The following LRP1B variants were observed in gnomAD, a reference collection of about 807,000 sequenced individuals.
The protein encoded by LRP1B is low-density lipoprotein receptor-related protein 1B.
A neutral mutation model predicts 556.6 loss-of-function variants in LRP1B; 217 were observed. The observed-to-expected ratio is 0.39, with a 90% CI of 0.35 to 0.44. The LOEUF (loss-of-function observed/expected upper bound fraction) is 0.44, where lower values mean the gene tolerates loss of function less well. Among genes scored for constraint, LRP1B ranks in the 20% least tolerant of loss-of-function variants. LRP1B has a pLI of 1.00. For synonymous variants in LRP1B, 2,047 were observed against 1,865.8 expected, an observed-to-expected ratio of 1.10 and a Z score of -2.50; for missense variants, 5,053 against 5,620.8, an observed-to-expected ratio of 0.90 and a Z score of 3.23.
At chr2:140,483,704 G>A (rs2105360042) in intron 59 of LRP1B, among the ~76,000 whole-genome samples, 1 of 139,186 alleles carries the variant, frequency 7.2e-6, no homozygotes, top group Admixed American at 7.8e-5. Flanking sequence ...GCAGTGGCAT[G>A]ATCTCTGCTC....
At chr2:140,594,476 T>C (rs186761357) in intron 43 of LRP1B, among the ~76,000 whole-genome samples, 1 of 152,328 alleles carries the variant, frequency 6.6e-6, no homozygotes, top group East Asian at 1.9e-4. Flanking sequence ...CCTAAAGATA[T>C]TCAAAAGAAG....
intron 2 of LRP1B, 58 bp downstream of exon 2, chr2:141,810,221 T>A (rs1574386251): frequency 6.4e-7 from 1 of 1,563,632 alleles, no homozygotes; most frequent in Non-Finnish European, 8.8e-7. Context: ...TGAAAACAAC[T>A]GACATTTAGT....
At chr2:141,555,634 T>C (rs1685935200) in intron 2 of LRP1B, among the ~76,000 whole-genome samples, 1 of 151,978 alleles carries the variant, frequency 6.6e-6, no homozygotes, top group Non-Finnish European at 1.5e-5. Context: ...CTCGTCATTA[T>C]CTGAATTATT....
intron 2 of LRP1B, among the ~76,000 whole-genome samples, chr2:141,712,559 A>G (rs1692401952): frequency 1.3e-5 from 2 of 152,186 alleles, no homozygotes; most frequent in Admixed American, 6.5e-5. Flanking sequence ...AATGATATCT[A>G]TCTCATTGTG....
At chr2:141,430,243 A>C (rs2104982302) in intron 3 of LRP1B, among the ~76,000 whole-genome samples, 1 of 152,320 alleles carries the variant, frequency 6.6e-6, no homozygotes, top group African/African-American at 2.4e-5. Context: ...AGAGCTTGTT[A>C]AGCAAAGCAT....
intron 2 of LRP1B, among the ~76,000 whole-genome samples, chr2:141,782,264 A>C: frequency 6.6e-6 from 1 of 152,056 alleles, no homozygotes; most frequent in East Asian, 1.9e-4. Flanking sequence ...AAGTGTCTTC[A>C]AATTTTCTAG....
intron 72 of LRP1B, among the ~76,000 whole-genome samples, chr2:140,359,217 G>A (rs890550735): frequency 5.3e-5 from 8 of 151,646 alleles, no homozygotes; most frequent in African/African-American, 1.9e-4. Flanking sequence ...TATCTTAGCT[G>A]ACTTCACTTA....
chr2:140,929,760 A>T (rs1161212279), intron 20 of LRP1B, among the ~76,000 whole-genome samples: 4 of 130,302 alleles, frequency 3.1e-5, no homozygotes, highest in Admixed American at 7.4e-5. Context: ...ATAGACTCAC[A>T]CACACACACA....
chr2:140,798,699 T>C (rs914415590), intron 32 of LRP1B, among the ~76,000 whole-genome samples: 1 of 152,186 alleles, frequency 6.6e-6, no homozygotes, highest in African/African-American at 2.4e-5. Flanking sequence ...GTCAACCTGC[T>C]AGATGACAGT....
At chr2:141,855,001 T>C (rs1305909903) in intron 1 of LRP1B, among the ~76,000 whole-genome samples, 1 of 152,026 alleles carries the variant, frequency 6.6e-6, no homozygotes, top group Non-Finnish European at 1.5e-5. Flanking sequence ...ATATAACAGA[T>C]TAAGGATGGA....
Position 140,585,784 on chromosome 2 carries a change from T to A in LRP1B, c.7194+12847A>T, listed in dbSNP as rs543455894. ...CTGTGATCACATCTACACATTATCA[T>A]TAAAGACAATAAAATTTAGACAACA... On this transcript the variant is annotated intron_variant, in intron 43 of 90. Coordinates refer to ENST00000389484, the MANE Select transcript of LRP1B (RefSeq NM_018557.3). Among the ~76,000 whole-genome samples, 3 of 152,312 alleles carry A rather than the reference T, an allele frequency of 2.0e-5. No homozygotes were observed. The East Asian group carries it at 5.8e-4, about 29-fold the overall frequency.
At chr2:141,351,663 T>A (rs1349152399) in intron 3 of LRP1B, among the ~76,000 whole-genome samples, 2 of 152,014 alleles carry the variant, frequency 1.3e-5, no homozygotes, top group East Asian at 3.9e-4. Flanking sequence ...AGACCCCTTT[T>A]TAGCATGGAG....
chr2:140,374,296 G>A (rs952421554), intron 68 of LRP1B, among the ~76,000 whole-genome samples: 4 of 152,116 alleles, frequency 2.6e-5, no homozygotes, highest in African/African-American at 7.2e-5. Context: ...TCCACAAAAA[G>A]TGTAACAATC....
rs2105397300 is a variant in LRP1B, at chr2:141,285,551, G to A, written c.344-30910C>T. Among the ~76,000 whole-genome samples, 2 of 145,822 alleles carry A rather than the reference G, an allele frequency of 1.4e-5. 1 individual carries two copies. Among genetic ancestry groups the A allele is most frequent in the Middle Eastern group, 7.2e-3 (2 of 278 alleles). ...GCTCACTGCAACCTCCGCCTCCCAGGTTCAAGCGATTCTCCTGCCTCAGCC... is the reference window on the plus strand; with the variant it reads ...GCTCACTGCAACCTCCGCCTCCCAGATTCAAGCGATTCTCCTGCCTCAGCC... On this transcript the variant is annotated intron_variant, in intron 3 of 90. Transcript: ENST00000389484.
chr2:140,328,090 T>TCTTCTTTTGCTCTGTAATAAAGAACC, intron 79 of LRP1B, among the ~76,000 whole-genome samples: 1 of 152,164 alleles, frequency 6.6e-6, no homozygotes, highest in Admixed American at 6.6e-5. Flanking sequence ...AAATATCATG[T>TCTTCTTTTGCTCTGTAATAAAGAACC]CTTCTTTTGC....
chr2:140,573,386 C>G (rs1285183774), intron 43 of LRP1B, among the ~76,000 whole-genome samples: 1 of 151,826 alleles, frequency 6.6e-6, no homozygotes, highest in Non-Finnish European at 1.5e-5. Context: ...AAAAGAATTA[C>G]TTGTCAGTGT....
At chr2:140,720,589 C>T (rs963412972) in intron 35 of LRP1B, among the ~76,000 whole-genome samples, 5 of 151,942 alleles carry the variant, frequency 3.3e-5, no homozygotes, top group African/African-American at 1.2e-4. Context: ...GAAAAGTTTT[C>T]CCTGGGTATT....
chr2:141,976,384 G>C lies in LRP1B; in HGVS notation c.82+154264C>G, dbSNP rs532758717. Reference sequence around the variant, plus strand: ...TTTGCTTTTTTTAAATGGAGAGTTTGTAAGAATTCTATCAATATCCTTTCA... The same window carrying C: ...TTTGCTTTTTTTAAATGGAGAGTTTCTAAGAATTCTATCAATATCCTTTCA... On this transcript the variant is annotated intron_variant, in intron 1 of 90. Coordinates refer to ENST00000389484, the MANE Select transcript of LRP1B (RefSeq NM_018557.3). Among the ~76,000 whole-genome samples, 14 of 152,184 alleles carry C rather than the reference G, an allele frequency of 9.2e-5. No individual in the cohort carries two copies. The South Asian group carries it at 1.4e-3, about 16-fold the overall frequency.
intron 1 of LRP1B, among the ~76,000 whole-genome samples, chr2:142,091,493 A>G (rs930260917): frequency 1.3e-5 from 2 of 152,114 alleles, no homozygotes; most frequent in East Asian, 1.9e-4. Context: ...CTCTCCTTCA[A>G]AACTGCTCAG....
Sources: gnomAD v4.1 joint callset for allele counts (sites outside exome capture counted in the v4.1 genomes callset) on GRCh38, gnomAD v4.1.1 for gene constraint, MANE v1.5 for transcripts, NCBI Gene and HGNC (gene_info 2026-07-23, HGNC 2026-07-21) for gene names.